The following SERGEF variants were observed in gnomAD, a reference collection of about 807,000 sequenced individuals.
The protein encoded by SERGEF is secretion regulating guanine nucleotide exchange factor.
SERGEF carries 51 observed loss-of-function variants against 50.0 expected under a neutral mutation model. That is an observed-to-expected ratio of 1.02 (90% CI 0.81 to 1.29). SERGEF has a LOEUF of 1.29. Ranked by LOEUF, SERGEF falls within the 50% of genes most tolerant of loss-of-function variation. The probability of loss-of-function intolerance (pLI) is 0.00; values close to 1 mark genes in which losing one functional copy is unlikely to be tolerated. For missense variants in SERGEF, 521 were observed against 557.0 expected, an observed-to-expected ratio of 0.94 and a Z score of 0.65; for synonymous variants, 205 against 212.4, an observed-to-expected ratio of 0.97 and a Z score of 0.30.
chr11:18,007,861 C>G, intron 2 of SERGEF, 80 bp downstream of exon 2: 1 of 1,371,872 alleles, frequency 7.3e-7, no homozygotes, highest in Non-Finnish European at 1.0e-6. Context: ...ATACAAAAGG[C>G]TGAAAGATGG....
intron 4 of SERGEF, among the ~76,000 whole-genome samples, chr11:18,002,582 T>C (rs577165979): frequency 3.9e-5 from 6 of 152,334 alleles, no homozygotes; most frequent in African/African-American, 1.2e-4. Flanking sequence ...TAAACCTCTA[T>C]TTAACTTTTG....
intron 8 of SERGEF, among the ~76,000 whole-genome samples, chr11:17,976,283 ATTAT>A (rs994202532): frequency 2.6e-5 from 4 of 151,632 alleles, no homozygotes; most frequent in African/African-American, 4.8e-5. Flanking sequence ...CTGGTCTATG[ATTAT>A]TTATTTATTT....
chr11:17,953,654 G>T (rs1444110265), intron 9 of SERGEF, among the ~76,000 whole-genome samples: 1 of 152,218 alleles, frequency 6.6e-6, no homozygotes, highest in Non-Finnish European at 1.5e-5. Flanking sequence ...CACTTATTCA[G>T]TCAGTAAACA....
At chr11:17,911,406 C>T (rs1202845310) in intron 9 of SERGEF, among the ~76,000 whole-genome samples, 1 of 147,388 alleles carries the variant, frequency 6.8e-6, no homozygotes, top group African/African-American at 2.5e-5. Flanking sequence ...TATATATACA[C>T]ACACACATAT....
intron 9 of SERGEF, among the ~76,000 whole-genome samples, chr11:17,880,892 T>G (rs1565193517): frequency 6.6e-6 from 1 of 152,218 alleles, no homozygotes; most frequent in Non-Finnish European, 1.5e-5. Context: ...GTGGCAGTAG[T>G]AGTGGTGGCT....
chr11:17,840,460 T>C (rs907174290), intron 10 of SERGEF, among the ~76,000 whole-genome samples: 1 of 152,166 alleles, frequency 6.6e-6, no homozygotes, highest in Non-Finnish European at 1.5e-5. Flanking sequence ...TCCTCTGCTG[T>C]TCTACAGAAG....
chr11:17,932,022 A>G (rs61884488), intron 9 of SERGEF, among the ~76,000 whole-genome samples: 18,313 of 151,546 alleles, frequency 0.12, 1,346 homozygotes, highest in Middle Eastern at 0.22. Context: ...GGGTAAGAAC[A>G]GGTTTTTCAA....
At chr11:17,857,831 G>A (rs1195243607) in intron 10 of SERGEF, among the ~76,000 whole-genome samples, 7 of 152,166 alleles carry the variant, frequency 4.6e-5, no homozygotes, top group African/African-American at 7.2e-5. Context: ...TCCATTAATC[G>A]GGATAGATTG....
chr11:17,827,063 A>G (rs1565178316), intron 10 of SERGEF, among the ~76,000 whole-genome samples: 1 of 152,184 alleles, frequency 6.6e-6, no homozygotes, highest in Non-Finnish European at 1.5e-5. Flanking sequence ...AATGCCGAAA[A>G]TTTATCTCAA....
chr11:17,959,918 G>A (rs1277433332), intron 8 of SERGEF, among the ~76,000 whole-genome samples: 1 of 152,216 alleles, frequency 6.6e-6, no homozygotes, highest in African/African-American at 2.4e-5. Flanking sequence ...ATGTTATATA[G>A]ATATGAATAT....
At chr11:17,801,135 C>T (rs141563965) in intron 10 of SERGEF, among the ~76,000 whole-genome samples, 54 of 147,728 alleles carry the variant, frequency 3.7e-4, no homozygotes, top group African/African-American at 1.3e-3. Context: ...GCGGAGCTTG[C>T]AGTGAGCCGA....
At chr11:17,882,034 A>G (rs899910493) in intron 9 of SERGEF, among the ~76,000 whole-genome samples, 6 of 152,188 alleles carry the variant, frequency 3.9e-5, no homozygotes, top group Non-Finnish European at 8.8e-5. Flanking sequence ...ACTTTTCTCT[A>G]AGAACATCAC....
chr11:17,977,866 T>C (rs1853410464), intron 8 of SERGEF, among the ~76,000 whole-genome samples: 1 of 152,204 alleles, frequency 6.6e-6, no homozygotes, highest in Non-Finnish European at 1.5e-5. Flanking sequence ...GTATTTTGAT[T>C]AGGACTTCCC....
In SERGEF at chr11:17,991,044, G is replaced by C. The variant is rs1241145092; in HGVS notation, c.685+1887C>G. On this transcript the variant is annotated intron_variant, in intron 7 of 10. Transcript: ENST00000265965. This position sits in a 1 kb window ranked among gnomAD's most constrained non-coding sequence, Gnocchi z 4.9. ...GACCTCAAGTATTCCATCTGCCTCA[G>C]CCTCCAAAGTGCTGGGATTACAGGT... is the stretch of plus-strand genomic sequence containing the variant. 6.6e-6 allele frequency among the ~76,000 whole-genome samples: 1 copy of C among 152,110 alleles called. No homozygotes were observed. Among genetic ancestry groups the C allele is most frequent in the Admixed American group, 6.5e-5 (1 of 15,270 alleles).
chr11:17,840,670 A>G (rs1402625617), intron 10 of SERGEF, among the ~76,000 whole-genome samples: 1 of 152,136 alleles, frequency 6.6e-6, no homozygotes, highest in Admixed American at 6.6e-5. Context: ...CCAAAGACAG[A>G]TTGAAGAGTT....
intron 10 of SERGEF, among the ~76,000 whole-genome samples, chr11:17,857,163 C>T (rs574974744): frequency 3.3e-5 from 5 of 152,262 alleles, no homozygotes; most frequent in African/African-American, 1.2e-4. Flanking sequence ...CTAAAGTTGC[C>T]GACGTTCTAT....
intron 9 of SERGEF, among the ~76,000 whole-genome samples, chr11:17,928,147 G>C (rs1852285196): frequency 6.6e-6 from 1 of 152,216 alleles, no homozygotes; most frequent in Non-Finnish European, 1.5e-5. Context: ...GTACTGGCAT[G>C]CTGCCAGCAG....
Position 17,995,793 on chromosome 11 carries a change from T to A in SERGEF, c.622+3A>T. 6.3e-7 allele frequency: 1 copy of A among 1,595,660 alleles called. No individual in the cohort carries two copies. Among genetic ancestry groups the A allele is most frequent in the East Asian group, 2.2e-5 (1 of 44,782 alleles). ...TATAGGACTAAAGAAAGAAGCATCT[T>A]ACCTGTCACTCTGCTTGGTTCCTTT... On this transcript the variant is annotated splice_donor_region_variant and intron_variant, in intron 6 of 10. Transcript: ENST00000265965.
chr11:17,953,006 G>A (rs1852798984), intron 9 of SERGEF, among the ~76,000 whole-genome samples: 7 of 151,988 alleles, frequency 4.6e-5, no homozygotes, highest in Admixed American at 4.6e-4. Context: ...GCTCCCTTGA[G>A]CACTAATTTG....
Sources: allele counts gnomAD v4.1 joint callset (sites outside exome capture counted in the v4.1 genomes callset), GRCh38; gene constraint gnomAD v4.1.1; non-coding constraint Gnocchi (gnomAD v3.1); transcripts MANE v1.5; gene names NCBI Gene and HGNC (gene_info 2026-07-23, HGNC 2026-07-21).